Variants in ZNF804B observed in about 807,000 individuals in gnomAD.
ZNF804B encodes zinc finger protein 804B, also known as zinc finger 804B.
A neutral mutation model predicts 101.4 loss-of-function variants in ZNF804B; 80 were observed. The ratio of observed to expected loss-of-function variants is 0.79; its 90% CI spans 0.66 to 0.95. The LOEUF (loss-of-function observed/expected upper bound fraction) is 0.95. Among genes scored for constraint, ZNF804B ranks in the 40% least tolerant of loss-of-function variants. The pLI, the probability that ZNF804B is intolerant of heterozygous loss-of-function variation, is 0.00. For synonymous variants in ZNF804B, 622 were observed against 558.8 expected, an observed-to-expected ratio of 1.11 and a Z score of -1.59; for missense variants, 1,673 against 1,561.9, an observed-to-expected ratio of 1.07 and a Z score of -1.20.
At chr7:89,215,500 G>A (rs1442885602) in intron 1 of ZNF804B, among the ~76,000 whole-genome samples, 1 of 151,456 alleles carries the variant, frequency 6.6e-6, no homozygotes, top group East Asian at 1.9e-4. Context: ...AGCTCATGAG[G>A]CTAAGGTATT....
At chr7:88,990,876 G>A (rs1173049481) in intron 1 of ZNF804B, among the ~76,000 whole-genome samples, 1 of 151,978 alleles carries the variant, frequency 6.6e-6, no homozygotes, top group Non-Finnish European at 1.5e-5. Flanking sequence ...CCTAAACTAA[G>A]CAATGGCTAT....
Position 88,759,911 on chromosome 7 carries a change from C to G in ZNF804B, c.-66C>G, listed in dbSNP as rs1789864986. The G allele has an allele frequency of 1.4e-6, 2 of 1,446,138 alleles. No individual in the cohort carries two copies. The highest frequency in any genetic ancestry group is 1.9e-6 in the Non-Finnish European group (2 of 1,031,896). 89.6% of individuals were successfully genotyped at this position (1,446,138 alleles called of 1,614,324 possible). On this transcript the variant is annotated 5_prime_UTR_variant, in exon 1 of 4. Coordinates refer to ENST00000333190, the MANE Select transcript of ZNF804B (RefSeq NM_181646.5). Reference sequence around the variant, plus strand: ...GTAGTCGCTGTTGCCGCTGAGAAACCCGCCCGCTTTCCACGGCTGGTCGCC... The same window carrying G: ...GTAGTCGCTGTTGCCGCTGAGAAACGCGCCCGCTTTCCACGGCTGGTCGCC...
intron 2 of ZNF804B, among the ~76,000 whole-genome samples, chr7:89,279,717 G>T (rs1584101452): frequency 6.6e-6 from 1 of 152,050 alleles, no homozygotes; most frequent in Non-Finnish European, 1.5e-5. Context: ...TGATCATGGT[G>T]GGTAAGCTTT....
intron 1 of ZNF804B, among the ~76,000 whole-genome samples, chr7:88,797,084 A>G (rs1790497647): frequency 6.6e-6 from 1 of 152,120 alleles, no homozygotes; most frequent in Non-Finnish European, 1.5e-5. Flanking sequence ...CTTATTAAAC[A>G]TGTTTCCCTT....
chr7:88,761,186 T>A (rs1789890090), intron 1 of ZNF804B, among the ~76,000 whole-genome samples: 1 of 152,112 alleles, frequency 6.6e-6, no homozygotes, highest in Middle Eastern at 3.2e-3. Flanking sequence ...GTAATTTACA[T>A]GAGAAATCTA....
intron 1 of ZNF804B, among the ~76,000 whole-genome samples, chr7:89,014,486 T>C (rs1385804981): frequency 6.6e-6 from 1 of 152,140 alleles, no homozygotes; most frequent in East Asian, 1.9e-4. Context: ...CTGGCTAATT[T>C]TTTGTATTTT....
At chr7:89,026,235 T>C (rs1788749604) in intron 1 of ZNF804B, among the ~76,000 whole-genome samples, 2 of 152,138 alleles carry the variant, frequency 1.3e-5, no homozygotes, top group South Asian at 2.1e-4. Flanking sequence ...ACAAGTGATA[T>C]GATGTGCTTA....
At chr7:89,042,234 TA>T (rs927074313) in intron 1 of ZNF804B, among the ~76,000 whole-genome samples, 5 of 152,190 alleles carry the variant, frequency 3.3e-5, no homozygotes, top group Non-Finnish European at 7.3e-5. Flanking sequence ...CAGTTTCCTC[TA>T]ATAATAATAT....
intron 1 of ZNF804B, among the ~76,000 whole-genome samples, chr7:89,171,139 T>C (rs1262777708): frequency 6.6e-6 from 1 of 152,168 alleles, no homozygotes; most frequent in African/African-American, 2.4e-5. Context: ...TTATAACATG[T>C]GGTTATGGTG....
In ZNF804B at chr7:88,891,074, C is replaced by T. The variant is rs563457715; in HGVS notation, c.108+130990C>T. Among the ~76,000 whole-genome samples the T allele has an allele frequency of 2.0e-5, 3 of 151,930 alleles. No homozygotes were observed. In the East Asian group the frequency reaches 5.8e-4, roughly 29 times the overall value. On this transcript the variant is annotated intron_variant, in intron 1 of 3. Coordinates refer to ENST00000333190, the MANE Select transcript of ZNF804B (RefSeq NM_181646.5). Reference sequence around the variant, plus strand: ...TTGTTTGTGTTGTTTACTGATATACCCCTACCACACACAACAGTGCATGAC... The same window carrying T: ...TTGTTTGTGTTGTTTACTGATATACTCCTACCACACACAACAGTGCATGAC...
intron 1 of ZNF804B, among the ~76,000 whole-genome samples, chr7:88,841,599 C>G (rs548195884): frequency 6.6e-6 from 1 of 152,192 alleles, no homozygotes. Flanking sequence ...GTCCTTTCTC[C>G]GTAATAAACA....
intron 1 of ZNF804B, among the ~76,000 whole-genome samples, chr7:88,823,544 G>A (rs1791013633): frequency 6.6e-6 from 1 of 152,120 alleles, no homozygotes; most frequent in African/African-American, 2.4e-5. Context: ...CTGACAGGGG[G>A]TGCCAGGCTC....
At chr7:89,099,632 G>A (rs1172105042) in intron 1 of ZNF804B, among the ~76,000 whole-genome samples, 2 of 152,156 alleles carry the variant, frequency 1.3e-5, no homozygotes, top group Non-Finnish European at 2.9e-5. Flanking sequence ...GAGTTCAAAA[G>A]TCATGTCCAC....
At chr7:89,251,236 C>A (rs1173391567) in intron 2 of ZNF804B, among the ~76,000 whole-genome samples, 1 of 152,124 alleles carries the variant, frequency 6.6e-6, no homozygotes, top group African/African-American at 2.4e-5. Flanking sequence ...TAAATGACAG[C>A]AGCAAAGTTT....
intron 1 of ZNF804B, among the ~76,000 whole-genome samples, chr7:88,951,469 C>T (rs530127316): frequency 1.5e-4 from 23 of 151,830 alleles, no homozygotes; most frequent in South Asian, 8.3e-4. Flanking sequence ...CGCGTGCGCA[C>T]GCGCACGCAC....
At chr7:88,960,105 T>G (rs918785233) in intron 1 of ZNF804B, among the ~76,000 whole-genome samples, 22 of 151,514 alleles carry the variant, frequency 1.5e-4, no homozygotes, top group Non-Finnish European at 7.4e-5. Flanking sequence ...CAAATGTGTC[T>G]GTTGTACAAA....
chr7:89,208,635 A>C (rs1418698261), intron 1 of ZNF804B, among the ~76,000 whole-genome samples: 1 of 152,186 alleles, frequency 6.6e-6, no homozygotes, highest in Non-Finnish European at 1.5e-5. Context: ...ACTGTATATT[A>C]ATTCATGCTG....
chr7:89,033,696 G>T (rs987378314), intron 1 of ZNF804B, among the ~76,000 whole-genome samples: 1 of 151,710 alleles, frequency 6.6e-6, no homozygotes, highest in Admixed American at 6.6e-5. Context: ...TTCAACAAAG[G>T]AAAAGAATAC....
chr7:89,181,445 C>A (rs1389466254), intron 1 of ZNF804B, among the ~76,000 whole-genome samples: 1 of 152,172 alleles, frequency 6.6e-6, no homozygotes, highest in East Asian at 1.9e-4. Flanking sequence ...CCAAATTATG[C>A]CTTGTGTTGC....
Sources: gnomAD v4.1 joint callset for allele counts (sites outside exome capture counted in the v4.1 genomes callset) on GRCh38, gnomAD v4.1.1 for gene constraint, MANE v1.5 for transcripts, NCBI Gene and HGNC (gene_info 2026-07-23, HGNC 2026-07-21) for gene names.